Variants in PIK3C2G observed in about 807,000 individuals in gnomAD.
PIK3C2G encodes the protein phosphatidylinositol 3-kinase C2 domain-containing subunit gamma.
PIK3C2G carries 168 observed loss-of-function variants against 181.1 expected under a neutral mutation model. The observed-to-expected ratio is 0.93, with a 90% confidence interval of 0.82 to 1.05. PIK3C2G has a LOEUF of 1.05. Ranked by LOEUF, PIK3C2G falls within the 50% of genes least tolerant of loss-of-function variation. PIK3C2G has a pLI of 0.00. For missense variants in PIK3C2G, 1,869 were observed against 1,732.8 expected, an observed-to-expected ratio of 1.08 and a Z score of -1.40; for synonymous variants, 573 against 592.2, an observed-to-expected ratio of 0.97 and a Z score of 0.47.
chr12:18,676,817 A>G, the PIK3C2G span, among the ~76,000 whole-genome samples: 1 of 152,160 alleles, frequency 6.6e-6, no homozygotes, highest in South Asian at 2.1e-4. Flanking sequence ...TTATGCTAGG[A>G]AGAGGTCTGA....
the PIK3C2G span, among the ~76,000 whole-genome samples, chr12:18,654,238 A>G: frequency 6.6e-6 from 1 of 151,952 alleles, no homozygotes; most frequent in Non-Finnish European, 1.5e-5. Context: ...GAAGAAGGTA[A>G]TAGAAAAGAG....
chr12:18,443,649 G>T (rs1404293955), intron 18 of PIK3C2G, among the ~76,000 whole-genome samples: 1 of 152,052 alleles, frequency 6.6e-6, no homozygotes, highest in African/African-American at 2.4e-5. Context: ...GAGAACAACT[G>T]AATGGGACCT....
intron 1 of PIK3C2G, among the ~76,000 whole-genome samples, chr12:18,275,867 C>G (rs117632807): frequency 2.6e-4 from 39 of 152,276 alleles, no homozygotes; most frequent in Non-Finnish European, 4.3e-4. Context: ...CTTACCCACT[C>G]ACTTTGACAC....
chr12:18,609,248 G>A (rs541227058), intron 30 of PIK3C2G, among the ~76,000 whole-genome samples: 8 of 152,002 alleles, frequency 5.3e-5, no homozygotes, highest in African/African-American at 1.9e-4. Flanking sequence ...GAGAAAATTG[G>A]AGCCAAAAAT....
At chr12:18,656,634 G>T in the PIK3C2G span, among the ~76,000 whole-genome samples, 3 of 152,108 alleles carry the variant, frequency 2.0e-5, no homozygotes, top group Non-Finnish European at 4.4e-5. Flanking sequence ...TACTTGGGAA[G>T]CTCAGGTGGA....
chr12:18,300,182 A>T (rs1480945692), intron 5 of PIK3C2G, among the ~76,000 whole-genome samples: 2 of 151,876 alleles, frequency 1.3e-5, no homozygotes, highest in African/African-American at 4.8e-5. Flanking sequence ...TTGCTGAGAG[A>T]CTTTTTATTA....
chr12:18,379,856 A>T (rs568158545), intron 13 of PIK3C2G, among the ~76,000 whole-genome samples: 1 of 152,268 alleles, frequency 6.6e-6, no homozygotes, highest in South Asian at 2.1e-4. Context: ...TTGTTACAGA[A>T]GCCCTTATCC....
At chr12:18,349,998 G>A (rs920021047) in intron 11 of PIK3C2G, among the ~76,000 whole-genome samples, 3 of 152,138 alleles carry the variant, frequency 2.0e-5, no homozygotes, top group Non-Finnish European at 2.9e-5. Context: ...AGTCCATGTC[G>A]TGGTTATTAC....
At chr12:18,693,946 C>T in the PIK3C2G span, 5 of 1,520,220 alleles carry the variant, frequency 3.3e-6, no homozygotes, top group South Asian at 5.6e-5. Context: ...AAGATGACCT[C>T]TCTGGTGCTG....
chr12:18,338,077 T>G (rs555198262), intron 8 of PIK3C2G, among the ~76,000 whole-genome samples: 40 of 152,186 alleles, frequency 2.6e-4, no homozygotes, highest in South Asian at 8.3e-4. Context: ...TGAGTTTCCC[T>G]GCTTTCCCCA....
chr12:18,386,900 C>T (rs1044386536), intron 14 of PIK3C2G, among the ~76,000 whole-genome samples: 4 of 152,096 alleles, frequency 2.6e-5, no homozygotes, highest in Non-Finnish European at 5.9e-5. Context: ...TGTAAGTGCA[C>T]TTCTGAGTCT....
chr12:18,297,320 GT>G (rs1949983746), intron 5 of PIK3C2G, among the ~76,000 whole-genome samples: 1 of 151,626 alleles, frequency 6.6e-6, no homozygotes, highest in Admixed American at 6.6e-5. Context: ...AGGAGCGCAG[GT>G]TTTTCTGTTT....
chr12:18,413,981 GATA>G (rs1398004126), intron 16 of PIK3C2G, among the ~76,000 whole-genome samples: 1 of 152,080 alleles, frequency 6.6e-6, no homozygotes, highest in African/African-American at 2.4e-5. Flanking sequence ...AATAATTTCA[GATA>G]ATATCACAGA....
chr12:18,629,592 A>C lies in PIK3C2G; in HGVS notation c.4183-10837A>C, dbSNP rs11837694. On this transcript the variant is annotated intron_variant, in intron 31 of 32. Coordinates refer to ENST00000538779, the MANE Select transcript of PIK3C2G (RefSeq NM_001288772.2). ...ATAAAGTCTGGCTCCAGTTGGGAGT[A>C]GAGGGGATAAAGAAGGGTAGTTGGC... Among the ~76,000 whole-genome samples the C allele has an allele frequency of 2.2e-3, 331 of 152,312 alleles. 3 individuals are homozygous for C. Among genetic ancestry groups the C allele is most frequent in the African/African-American group, 7.5e-3 (313 of 41,570 alleles).
the PIK3C2G span, among the ~76,000 whole-genome samples, chr12:18,678,711 T>C: frequency 6.6e-6 from 1 of 152,084 alleles, no homozygotes; most frequent in East Asian, 1.9e-4. Flanking sequence ...TAAATAGTAT[T>C]GGATATAACA....
At chr12:18,436,312 C>A (rs895077381) in intron 18 of PIK3C2G, among the ~76,000 whole-genome samples, 10 of 152,012 alleles carry the variant, frequency 6.6e-5, no homozygotes, top group African/African-American at 2.4e-4. Flanking sequence ...ATATTATTTG[C>A]CAGAATTGGG....
chr12:18,702,977 C>T, the PIK3C2G span, among the ~76,000 whole-genome samples: 1 of 151,866 alleles, frequency 6.6e-6, no homozygotes, highest in Admixed American at 6.6e-5. Context: ...AACTTTAATT[C>T]TTTATTTACT....
intron 26 of PIK3C2G, among the ~76,000 whole-genome samples, chr12:18,558,290 G>T (rs1183155052): frequency 6.6e-6 from 1 of 152,058 alleles, no homozygotes; most frequent in Non-Finnish European, 1.5e-5. Flanking sequence ...ATTAAACATT[G>T]TTCATCCCTA....
chr12:18,660,331 G>A, the PIK3C2G span, among the ~76,000 whole-genome samples: 1 of 152,176 alleles, frequency 6.6e-6, no homozygotes, highest in East Asian at 1.9e-4. Flanking sequence ...TCTGATTGAT[G>A]CTCTGATCAA....
Sources: allele counts gnomAD v4.1 joint callset (sites outside exome capture counted in the v4.1 genomes callset), GRCh38; gene constraint gnomAD v4.1.1; transcripts MANE v1.5; gene names NCBI Gene and HGNC (gene_info 2026-07-23, HGNC 2026-07-21).